LARGE1: variants seen among roughly 807,000 people sequenced by gnomAD.
LARGE1 encodes xylosyl- and glucuronyltransferase LARGE1.
Under a neutral mutation model 87.6 loss-of-function variants are expected in LARGE1, and 43 were observed. The observed-to-expected ratio is 0.49, with a 90% confidence interval of 0.38 to 0.63. LARGE1 has a LOEUF of 0.63. Among genes scored for constraint, LARGE1 ranks in the 30% least tolerant of loss-of-function variants. The pLI is 0.00. For synonymous variants in LARGE1, 434 were observed against 394.6 expected (o/e 1.10, Z -1.18); for missense variants, 802 against 1,000.2 (o/e 0.80, Z 2.67).
intron 9 of LARGE1, among the ~76,000 whole-genome samples, chr22:33,348,288 C>T (rs1228869592): frequency 7.5e-6 from 1 of 133,900 alleles, no homozygotes; most frequent in Admixed American, 7.4e-5. Flanking sequence ...CCACCCCCCC[C>T]CAAAAAAAAA....
At chr22:33,306,274 T>C (rs772466855) in intron 11 of LARGE1, among the ~76,000 whole-genome samples, 5 of 152,226 alleles carry the variant, frequency 3.3e-5, no homozygotes, top group Non-Finnish European at 7.3e-5. Flanking sequence ...TTATGCCTCC[T>C]GCACCTGTTT....
intron 13 of LARGE1, among the ~76,000 whole-genome samples, chr22:33,278,235 G>A (rs1020882810): frequency 2.6e-5 from 4 of 152,162 alleles, no homozygotes; most frequent in African/African-American, 9.7e-5. Flanking sequence ...AAGCCAGCAG[G>A]AAAATGGGAC....
At chr22:33,410,456 G>C (rs868348894) in intron 7 of LARGE1, among the ~76,000 whole-genome samples, 2 of 151,978 alleles carry the variant, frequency 1.3e-5, no homozygotes, top group African/African-American at 2.4e-5. Flanking sequence ...TGCTGTTCTC[G>C]TGACAGTGAG....
rs114958033 is a variant in LARGE1, at chr22:33,554,457, C to T, written c.787+10391G>A. ...AACAACAACAAACACCTGAAGAGAC[C>T]CCTGGCCCCGACCCTTCTTGTAAGA... On this transcript the variant is annotated intron_variant, in intron 6 of 14. Coordinates refer to ENST00000397394, the MANE Select transcript of LARGE1 (RefSeq NM_133642.5). Among the ~76,000 whole-genome samples the T allele has an allele frequency of 3.8e-3, 578 of 152,138 alleles. 2 individuals carry two copies. The highest frequency in any genetic ancestry group is 0.013 in the African/African-American group (556 of 41,494).
the LARGE1 span, among the ~76,000 whole-genome samples, chr22:33,150,474 A>G: frequency 6.6e-6 from 1 of 152,196 alleles, no homozygotes. Flanking sequence ...CTGAAAATTC[A>G]GGATAATCTC....
chr22:33,860,815 A>G (rs566740111), intron 1 of LARGE1, among the ~76,000 whole-genome samples: 1 of 152,284 alleles, frequency 6.6e-6, no homozygotes, highest in South Asian at 2.1e-4. Context: ...GCTGCCCACA[A>G]CAACTAGAAT....
chr22:33,816,725 C>T (rs1050809054), intron 1 of LARGE1, among the ~76,000 whole-genome samples: 3 of 150,094 alleles, frequency 2.0e-5, no homozygotes, highest in African/African-American at 5.0e-5. Flanking sequence ...GACAGACAGA[C>T]AGACAGACAG....
chr22:33,764,185 C>T (rs1352951087), intron 1 of LARGE1, among the ~76,000 whole-genome samples: 1 of 151,926 alleles, frequency 6.6e-6, no homozygotes, highest in African/African-American at 2.4e-5. Context: ...TCCCACATTT[C>T]CCCCACAGGA....
At chr22:33,537,158 A>G (rs1006174645) in intron 6 of LARGE1, among the ~76,000 whole-genome samples, 1 of 152,212 alleles carries the variant, frequency 6.6e-6, no homozygotes, top group Non-Finnish European at 1.5e-5. Flanking sequence ...CTTCTGTACC[A>G]CATTTCACTA....
chr22:33,166,492 C>A, exon 12 of LARGE1: 1 of 324,020 alleles, frequency 3.1e-6, no homozygotes, highest in South Asian at 2.6e-5. Flanking sequence ...GTTCACCTGG[C>A]ATGTACCACT....
chr22:33,354,107 A>G (rs1940665734), intron 9 of LARGE1, among the ~76,000 whole-genome samples: 1 of 152,248 alleles, frequency 6.6e-6, no homozygotes, highest in Non-Finnish European at 1.5e-5. Flanking sequence ...TCTATCTCAC[A>G]CTTTTGAAAA....
intron 11 of LARGE1, among the ~76,000 whole-genome samples, chr22:33,214,235 C>CT (rs145090898): frequency 0.012 from 1,852 of 152,296 alleles, 40 homozygotes; most frequent in African/African-American, 0.041. Context: ...TGGGGTCTCT[C>CT]TTCTTCACTT....
chr22:33,382,895 T>C (rs1422953852), intron 8 of LARGE1, among the ~76,000 whole-genome samples: 2 of 152,228 alleles, frequency 1.3e-5, no homozygotes, highest in Non-Finnish European at 1.5e-5. Context: ...TCATTCATTA[T>C]ACTCTATCTC....
intron 2 of LARGE1, chr22:33,746,565 C>A (rs753130641): frequency 1.3e-5 from 2 of 152,202 alleles, no homozygotes; most frequent in Non-Finnish European, 2.9e-5. Context: ...ATGGCACTGG[C>A]ACTTTGTGCT....
At chr22:33,812,321 C>G (rs2086521003) in intron 1 of LARGE1, among the ~76,000 whole-genome samples, 1 of 152,098 alleles carries the variant, frequency 6.6e-6, no homozygotes, top group Admixed American at 6.5e-5. Flanking sequence ...GACACAGCAT[C>G]TCACCTGCCC....
chr22:33,918,875 G>A (rs1379454387), intron 1 of LARGE1, among the ~76,000 whole-genome samples: 1 of 150,984 alleles, frequency 6.6e-6, no homozygotes, highest in East Asian at 2.0e-4. Context: ...CACCCCCTCC[G>A]TTTCTCCCCT....
chr22:33,565,008 G>C lies in LARGE1; in HGVS notation c.627C>G (p.Ser209=). Residue 209 remains serine (S), a synonymous_variant, in exon 6 of 15, where the codon TCC becomes TCG. Transcript: ENST00000397394. Reference sequence around the variant, plus strand: ...CAGAGTAATGTTTATTGGGGATCCAGGAAACTTCAGACTAGACAGAACAAG... The same window carrying C: ...CAGAGTAATGTTTATTGGGGATCCACGAAACTTCAGACTAGACAGAACAAG... The part of the protein sequence containing the change: ...YNADELKSEV[S]WIPNKHYSGI... 6.2e-7 allele frequency: 1 copy of C among 1,614,038 alleles called. No individual in the cohort carries two copies. Among genetic ancestry groups the C allele is most frequent in the Middle Eastern group, 1.6e-4 (1 of 6,062 alleles).
chr22:33,378,201 T>TTA (rs1401281912), intron 9 of LARGE1, among the ~76,000 whole-genome samples: 1 of 152,220 alleles, frequency 6.6e-6, no homozygotes, highest in East Asian at 1.9e-4. Flanking sequence ...TTCTGCCAAG[T>TTA]GCCTGGCAAA....
intron 1 of LARGE1, among the ~76,000 whole-genome samples, chr22:33,796,047 A>T (rs902932048): frequency 6.6e-5 from 10 of 152,002 alleles, no homozygotes; most frequent in Admixed American, 4.6e-4. Flanking sequence ...ACCTGGGTTC[A>T]AATCCCACCT....
Sources: allele counts gnomAD v4.1 joint callset (sites outside exome capture counted in the v4.1 genomes callset), GRCh38; gene constraint gnomAD v4.1.1; transcripts MANE v1.5; gene names NCBI Gene and HGNC (gene_info 2026-07-23, HGNC 2026-07-21).